CLEC4A: variants seen among roughly 807,000 people sequenced by gnomAD.
CLEC4A encodes C-type (calcium dependent, carbohydrate-recognition domain) lectin, superfamily member 6.
A neutral mutation model predicts 32.7 loss-of-function variants in CLEC4A; 27 were observed. The ratio of observed to expected loss-of-function variants is 0.83; its 90% CI spans 0.61 to 1.14. CLEC4A has a LOEUF of 1.14. CLEC4A is among the 50% of genes most tolerant of loss of function. The pLI is 0.00. For synonymous variants in CLEC4A, 89 were observed against 93.7 expected, an observed-to-expected ratio of 0.95 and a Z score of 0.29; for missense variants, 253 against 274.6, an observed-to-expected ratio of 0.92 and a Z score of 0.55.
intron 3 of CLEC4A, chr12:8,134,047 C>T (rs1355578592): frequency 2.6e-5 from 41 of 1,597,088 alleles, no homozygotes; most frequent in Non-Finnish European, 2.9e-5. Context: ...CATCCTTCTC[C>T]AGCCCAAGCT....
intron 3 of CLEC4A, among the ~76,000 whole-genome samples, chr12:8,130,095 T>C (rs1443066759): frequency 6.6e-6 from 1 of 152,164 alleles, no homozygotes; most frequent in Non-Finnish European, 1.5e-5. Flanking sequence ...CTCAGCTTCT[T>C]GAAGGGCTGG....
chr12:8,108,102 T>G, the CLEC4A span, among the ~76,000 whole-genome samples: 2 of 152,212 alleles, frequency 1.3e-5, no homozygotes, highest in African/African-American at 4.8e-5. Context: ...CTCATTAGTT[T>G]CAAAGAATTT....
rs1196646814 is a variant in CLEC4A at position 8,133,677 on chromosome 12, G to A, written c.299-1908G>A. On this transcript the variant is annotated intron_variant, in intron 3 of 5. Coordinates refer to ENST00000229332, the MANE Select transcript of CLEC4A (RefSeq NM_016184.4). ...CCCAATTCCTTCCTTAGTGAATGAAGAACTTAATCCCAAAAGCCCTGGCAC... is the reference window on the plus strand; with the variant it reads ...CCCAATTCCTTCCTTAGTGAATGAAAAACTTAATCCCAAAAGCCCTGGCAC... 3.9e-6 allele frequency: 6 copies of A among 1,530,196 alleles called. No homozygotes were observed. The African/African-American group carries it at 8.3e-5, about 21-fold the overall frequency. 94.8% of individuals were successfully genotyped at this position (1,530,196 alleles called of 1,614,324 possible). A position where few individuals can be genotyped will look rare whatever the true frequency, so the allele number is the denominator to read the frequency against.
chr12:8,138,558 C>G lies in CLEC4A; in HGVS notation c.*271C>G, dbSNP rs376250934. 6.8e-5 allele frequency: 18 copies of G among 264,462 alleles called. No homozygotes were observed. Among genetic ancestry groups the G allele is most frequent in the African/African-American group, 2.9e-4 (13 of 44,762 alleles). 16.4% of individuals were successfully genotyped at this position (264,462 alleles called of 1,614,324 possible). On this transcript the variant is annotated 3_prime_UTR_variant, in exon 6 of 6. Coordinates refer to ENST00000229332, the MANE Select transcript of CLEC4A (RefSeq NM_016184.4). ...AACATGAGTCTCTCTTAATTTTTAT[C>G]TGGTTGCTAAAGAATTATTTACCAA...
intron 3 of CLEC4A, chr12:8,134,086 T>C: frequency 6.3e-7 from 1 of 1,589,102 alleles, no homozygotes; most frequent in South Asian, 1.1e-5. Context: ...TCTGCTGCAG[T>C]GTGGGTTTCG....
chr12:8,114,394 G>C, the CLEC4A span, among the ~76,000 whole-genome samples: 2 of 151,978 alleles, frequency 1.3e-5, no homozygotes, highest in African/African-American at 4.8e-5. Context: ...ACAGGCGCCC[G>C]CCACCACGCC....
chr12:8,111,027 C>T, the CLEC4A span, among the ~76,000 whole-genome samples: 5 of 151,954 alleles, frequency 3.3e-5, no homozygotes, highest in African/African-American at 1.2e-4. Context: ...GTGCCCACCA[C>T]CATGCCTGGC....
chr12:8,124,830 A>G (rs1406485237), intron 1 of CLEC4A, among the ~76,000 whole-genome samples: 1 of 152,162 alleles, frequency 6.6e-6, no homozygotes, highest in Non-Finnish European at 1.5e-5. Context: ...AATTATAATT[A>G]CTCTTATCAT....
In CLEC4A at chr12:8,135,648, C is replaced by G; in HGVS notation, c.362C>G (p.Ser121Cys). 1.2e-6 allele frequency: 2 copies of G among 1,614,206 alleles called. No homozygotes were observed. The highest frequency in any genetic ancestry group is 1.7e-6 in the Non-Finnish European group (2 of 1,180,008). Residue 121 changes from serine (S) to cysteine (C), a missense_variant, in exon 4 of 6, where the codon TCT becomes TGT. Ser to Cys is a moderately radical substitution (Grantham distance 112). Coordinates refer to ENST00000229332, the MANE Select transcript of CLEC4A (RefSeq NM_016184.4). The part of the protein sequence containing the change: ...KSFSSNCYFI[S>C]TESASWQDSE... Reference sequence around the variant, plus strand: ...TTTAGTTCCAACTGCTACTTTATTTCTACTGAATCAGCATCTTGGCAAGAC... The same window carrying G: ...TTTAGTTCCAACTGCTACTTTATTTGTACTGAATCAGCATCTTGGCAAGAC...
intron 3 of CLEC4A, among the ~76,000 whole-genome samples, chr12:8,130,885 A>G (rs1416904223): frequency 1.3e-5 from 2 of 152,090 alleles, no homozygotes; most frequent in African/African-American, 4.8e-5. Context: ...CTTAGTGTTC[A>G]CCTCATTTTC....
intron 3 of CLEC4A, chr12:8,133,891 A>G: frequency 6.3e-7 from 1 of 1,592,444 alleles, no homozygotes; most frequent in Non-Finnish European, 8.5e-7. Flanking sequence ...AGCCTGGGGT[A>G]CCAAAATGGG....
the CLEC4A span, among the ~76,000 whole-genome samples, chr12:8,109,775 C>T: frequency 7.2e-5 from 11 of 151,978 alleles, no homozygotes; most frequent in Non-Finnish European, 1.6e-4. Context: ...TGGTAAGTGC[C>T]GTTTAAATAT....
chr12:8,137,088 T>G (rs901128185), intron 5 of CLEC4A, among the ~76,000 whole-genome samples, 185 bp downstream of exon 5: 2 of 152,190 alleles, frequency 1.3e-5, no homozygotes, highest in Non-Finnish European at 2.9e-5. Context: ...ATTGTTATTT[T>G]TCCCACTGTA....
At chr12:8,135,943 A>G (rs1446486612) in intron 4 of CLEC4A, among the ~76,000 whole-genome samples, 1 of 152,252 alleles carries the variant, frequency 6.6e-6, no homozygotes, top group Non-Finnish European at 1.5e-5. Flanking sequence ...AAATTGTGAC[A>G]TTAAAAATAT....
chr12:8,112,704 C>T, the CLEC4A span, among the ~76,000 whole-genome samples: 2 of 151,866 alleles, frequency 1.3e-5, no homozygotes, highest in Admixed American at 1.3e-4. Flanking sequence ...AGTGGTTTTG[C>T]ATTTGCCTTT....
chr12:8,105,089 G>C, the CLEC4A span, among the ~76,000 whole-genome samples: 4 of 152,080 alleles, frequency 2.6e-5, no homozygotes, highest in Non-Finnish European at 5.9e-5. Flanking sequence ...ATTCCTTTGG[G>C]TATATACCCA....
chr12:8,124,142 T>C (rs1459148669), intron 1 of CLEC4A, among the ~76,000 whole-genome samples, 182 bp downstream of exon 1: 1 of 152,136 alleles, frequency 6.6e-6, no homozygotes, highest in African/African-American at 2.4e-5. Flanking sequence ...ATTTGTATTG[T>C]GGAGAAGAAA....
chr12:8,137,508 A>T (rs1195527255), intron 5 of CLEC4A, among the ~76,000 whole-genome samples: 1 of 152,218 alleles, frequency 6.6e-6, no homozygotes, highest in African/African-American at 2.4e-5. Flanking sequence ...TATATCTCAT[A>T]TTTATGTAAT....
Position 8,126,425 on chromosome 12 carries a change from TC to T in CLEC4A, c.199+750del, listed in dbSNP as rs1947903601. On this transcript the variant is annotated intron_variant, in intron 2 of 5. Coordinates refer to ENST00000229332, the MANE Select transcript of CLEC4A (RefSeq NM_016184.4). Reference sequence around the variant, plus strand: ...AGTAGAGACAGGGTTTTCTCATGTTTCCTGGCCTTGTCCTGAACTCCTGGGC... The same window carrying T: ...AGTAGAGACAGGGTTTTCTCATGTTTCTGGCCTTGTCCTGAACTCCTGGGC... Among the ~76,000 whole-genome samples the T allele has an allele frequency of 2.0e-5, 3 of 150,188 alleles. No individual in the cohort carries two copies. In the Admixed American group the frequency reaches 2.0e-4, roughly 10 times the overall value.
Sources: allele counts gnomAD v4.1 joint callset (sites outside exome capture counted in the v4.1 genomes callset), GRCh38; gene constraint gnomAD v4.1.1; transcripts MANE v1.5; gene names NCBI Gene and HGNC (gene_info 2026-07-23, HGNC 2026-07-21).